PRKN: variants seen among roughly 807,000 people sequenced by gnomAD.
PRKN encodes the protein E3 ubiquitin-protein ligase parkin.
A neutral mutation model predicts 59.5 loss-of-function variants in PRKN; 56 were observed. The ratio of observed to expected loss-of-function variants is 0.94; its 90% confidence interval spans 0.76 to 1.18. PRKN has a LOEUF of 1.18. Ranked by LOEUF, PRKN falls within the 50% of genes most tolerant of loss-of-function variation. The pLI, the probability that PRKN is intolerant of heterozygous loss-of-function variation, is 0.00. For synonymous variants in PRKN, 250 were observed against 222.1 expected, an observed-to-expected ratio of 1.13 and a Z score of -1.12; for missense variants, 657 against 596.4, an observed-to-expected ratio of 1.10 and a Z score of -1.06.
At chr6:161,587,605 G>A (rs146310197) in intron 7 of PRKN, among the ~76,000 whole-genome samples, 33 of 151,986 alleles carry the variant, frequency 2.2e-4, no homozygotes, top group African/African-American at 7.5e-4. Flanking sequence ...TAAAATGAAG[G>A]CTATTTAAAG....
At position 162,394,375 on chromosome 6, in the gene PRKN, A is replaced by G. The variant is rs1385690345; in HGVS notation, c.171+48935T>C. Among the ~76,000 whole-genome samples, 3 of 152,306 alleles carry G rather than the reference A, an allele frequency of 2.0e-5. 1 individual carries two copies. Among genetic ancestry groups the G allele is most frequent in the South Asian group, 4.1e-4 (2 of 4,822 alleles). On this transcript the variant is annotated intron_variant, in intron 2 of 11. Coordinates refer to ENST00000366898, the MANE Select transcript of PRKN (RefSeq NM_004562.3). The stretch of plus-strand genomic sequence containing the variant: ...GTGATACAGAAATATGTATGACTCT[A>G]TGTAATCCTTATCATGGCGTTCCTA...
intron 4 of PRKN, among the ~76,000 whole-genome samples, chr6:162,125,082 C>T (rs1781071126): frequency 6.6e-6 from 1 of 152,206 alleles, no homozygotes; most frequent in Admixed American, 6.5e-5. Flanking sequence ...ACCTTCCAAC[C>T]TGCCAGCTGT....
At chr6:162,290,071 C>T (rs1224972049) in intron 2 of PRKN, among the ~76,000 whole-genome samples, 2 of 152,116 alleles carry the variant, frequency 1.3e-5, no homozygotes, top group Non-Finnish European at 2.9e-5. Context: ...TTTTATTCGC[C>T]TCCTATGTCC....
intron 7 of PRKN, among the ~76,000 whole-genome samples, chr6:161,726,949 G>A (rs1310045383): frequency 6.6e-6 from 1 of 152,184 alleles, no homozygotes; most frequent in Non-Finnish European, 1.5e-5. Context: ...AAAGTAGGCT[G>A]CTTCTGTCCT....
chr6:162,109,202 C>A (rs899538577), intron 4 of PRKN, among the ~76,000 whole-genome samples: 15 of 152,180 alleles, frequency 9.9e-5, no homozygotes, highest in African/African-American at 3.6e-4. Context: ...TCCAGCCCAG[C>A]CCTATTTTAG....
chr6:162,057,456 C>T (rs191571443), intron 4 of PRKN, among the ~76,000 whole-genome samples: 109 of 152,232 alleles, frequency 7.2e-4, no homozygotes, highest in African/African-American at 2.6e-3. Context: ...GTTGTCTGCA[C>T]CTTTGATTTT....
At chr6:161,933,834 C>A (rs114207038) in intron 6 of PRKN, among the ~76,000 whole-genome samples, 1,881 of 152,004 alleles carry the variant, frequency 0.012, 42 homozygotes, top group African/African-American at 0.041. Context: ...GTCTGTCCTA[C>A]AATGTAAATG....
At chr6:161,565,873 A>G (rs1182342057) in intron 8 of PRKN, among the ~76,000 whole-genome samples, 1 of 151,988 alleles carries the variant, frequency 6.6e-6, no homozygotes, top group East Asian at 1.9e-4. Flanking sequence ...ATCAAATCCA[A>G]TGCTCATACG....
chr6:161,704,083 T>C (rs1210162001), intron 7 of PRKN, among the ~76,000 whole-genome samples: 1 of 152,092 alleles, frequency 6.6e-6, no homozygotes, highest in Non-Finnish European at 1.5e-5. Flanking sequence ...CTTGAGCTCC[T>C]GGCCTCAAGT....
chr6:161,639,454 T>C (rs1783657222), intron 7 of PRKN, among the ~76,000 whole-genome samples: 1 of 152,204 alleles, frequency 6.6e-6, no homozygotes, highest in Non-Finnish European at 1.5e-5. Context: ...GCCTCGCCTG[T>C]ACTCCTCACT....
Position 162,056,642 on chromosome 6 carries a change from T to C in PRKN, c.535-2468A>G, listed in dbSNP as rs1470064648. Among the ~76,000 whole-genome samples, 1 of 152,214 alleles carries C rather than the reference T, an allele frequency of 6.6e-6. No homozygotes were observed. Among genetic ancestry groups the C allele is most frequent in the Non-Finnish European group, 1.5e-5 (1 of 68,042 alleles). ...TCAAGCTTGGCCCTTGGCTGGCATC[T>C]GGGAATGTGAATTTTGGAAGCGTCC... On this transcript the variant is annotated intron_variant, in intron 4 of 11. Coordinates refer to ENST00000366898, the MANE Select transcript of PRKN (RefSeq NM_004562.3). This position sits in a 1 kb window ranked among gnomAD's most constrained non-coding sequence, Gnocchi z 4.9.
At chr6:162,456,455 C>T (rs1356174711) in intron 1 of PRKN, among the ~76,000 whole-genome samples, 1 of 152,038 alleles carries the variant, frequency 6.6e-6, no homozygotes, top group Non-Finnish European at 1.5e-5. Flanking sequence ...GAAATTAATA[C>T]TAAGGCTTAT....
At chr6:162,091,339 A>G (rs1779486178) in intron 4 of PRKN, among the ~76,000 whole-genome samples, 5 of 152,228 alleles carry the variant, frequency 3.3e-5, no homozygotes. Context: ...GATGGAATAA[A>G]TACAGTTTAC....
At chr6:162,712,099 G>T (rs1283816594) in intron 1 of PRKN, among the ~76,000 whole-genome samples, 1 of 152,164 alleles carries the variant, frequency 6.6e-6, no homozygotes, top group African/African-American at 2.4e-5. Context: ...ACCTCTGTTG[G>T]TCCGATTAAT....
At chr6:162,450,272 G>A (rs1458186569) in intron 1 of PRKN, among the ~76,000 whole-genome samples, 1 of 148,104 alleles carries the variant, frequency 6.8e-6, no homozygotes, top group Non-Finnish European at 1.5e-5. Context: ...CCCTATGACT[G>A]TAAATGCCCC....
chr6:162,235,514 A>C (rs1039931518), intron 3 of PRKN, among the ~76,000 whole-genome samples: 3 of 152,164 alleles, frequency 2.0e-5, no homozygotes, highest in African/African-American at 7.2e-5. Flanking sequence ...AAATTAAAGA[A>C]ATACTCCTCA....
At chr6:162,173,909 C>T (rs871387) in intron 4 of PRKN, among the ~76,000 whole-genome samples, 123,798 of 152,192 alleles carry the variant, frequency 0.81, 53,291 homozygotes, top group Non-Finnish European at 0.97. Context: ...CTCATCGTCA[C>T]GATCAGTCTA....
intron 7 of PRKN, among the ~76,000 whole-genome samples, chr6:161,753,825 CT>C (rs1317902141): frequency 1.4e-4 from 22 of 152,276 alleles, no homozygotes; most frequent in African/African-American, 4.6e-4. Flanking sequence ...AGAAAGGTCC[CT>C]TCTGATAGTT....
At chr6:161,766,313 C>CTTTTTTTTTTTTTTTTTTTTTT (rs1583130349) in intron 7 of PRKN, among the ~76,000 whole-genome samples, 1 of 82,580 alleles carries the variant, frequency 1.2e-5, no homozygotes, top group African/African-American at 4.1e-5. Flanking sequence ...TCATTGACCA[C>CTTTTTTTTTTTTTTTTTTTTTT]ATTTTTTTTT....
Sources: allele counts gnomAD v4.1 joint callset (sites outside exome capture counted in the v4.1 genomes callset), GRCh38; gene constraint gnomAD v4.1.1; non-coding constraint Gnocchi (gnomAD v3.1); transcripts MANE v1.5; gene names NCBI Gene and HGNC (gene_info 2026-07-23, HGNC 2026-07-21).